SPTLC3: variants seen among roughly 807,000 people sequenced by gnomAD.
SPTLC3 encodes serine palmitoyltransferase 3.
Under a neutral mutation model 59.3 loss-of-function variants are expected in SPTLC3, and 36 were observed. That is an observed-to-expected ratio of 0.61 (90% CI 0.47 to 0.80). The LOEUF (loss-of-function observed/expected upper bound fraction) is 0.80. SPTLC3 is among the 30% of genes least tolerant of loss of function. SPTLC3 has a pLI of 0.00. For synonymous variants in SPTLC3, 257 were observed against 240.8 expected (o/e 1.07, Z -0.62); for missense variants, 625 against 685.1 (o/e 0.91, Z 0.98).
chr20:13,156,055 CACAT>C (rs2122972258), intron 10 of SPTLC3, among the ~76,000 whole-genome samples: 1 of 152,158 alleles, frequency 6.6e-6, no homozygotes, highest in East Asian at 1.9e-4. Context: ...TTTTTGAAGA[CACAT>C]ACAAACACAC....
At position 13,074,381 on chromosome 20, in the gene SPTLC3, A is replaced by G. The variant is rs1289849953; in HGVS notation, c.491A>G (p.Asn164Ser). Residue 164 changes from asparagine (N) to serine (S), a missense_variant, in exon 4 of 12, where the codon AAC becomes AGC. Asn to Ser is a conservative substitution (Grantham distance 46). Transcript: ENST00000399002. ...GGAAGAGTCATCAAAGATGTCATCA[A>G]CATGGGCTCCTATAACTTCCTTGGT... is the stretch of plus-strand genomic sequence containing the variant. ...FTGRVIKDVI[N>S]MGSYNFLGLA... 1 of 1,614,124 alleles carries G rather than the reference A, an allele frequency of 6.2e-7. No individual in the cohort carries two copies. The highest frequency in any genetic ancestry group is 1.3e-5 in the African/African-American group (1 of 75,064).
chr20:13,074,033 G>C (rs1357548143), intron 3 of SPTLC3: 1 of 637,594 alleles, frequency 1.6e-6, no homozygotes, highest in Non-Finnish European at 3.0e-6. Context: ...TCAAGCTCTG[G>C]AGCTGTGGCA....
chr20:13,116,428 G>T (rs1363554231), intron 7 of SPTLC3, among the ~76,000 whole-genome samples: 2 of 152,160 alleles, frequency 1.3e-5, no homozygotes, highest in African/African-American at 4.8e-5. Context: ...GACACAGCTT[G>T]CAAAGTGTTC....
At chr20:13,023,554 C>G (rs926585691) in intron 1 of SPTLC3, among the ~76,000 whole-genome samples, 5 of 152,202 alleles carry the variant, frequency 3.3e-5, no homozygotes, top group African/African-American at 1.2e-4. Flanking sequence ...CTCTAAAAGA[C>G]TAAGAAAGCT....
chr20:13,159,907 G>GA, intron 10 of SPTLC3, 96 bp from the exon 11 acceptor site: 6 of 1,427,412 alleles, frequency 4.2e-6, no homozygotes, highest in Non-Finnish European at 5.6e-6. Context: ...AAAGAAAAAA[G>GA]AAAAAATCAA....
intron 2 of SPTLC3, among the ~76,000 whole-genome samples, chr20:13,054,266 T>C (rs182998216): frequency 7.9e-5 from 12 of 152,304 alleles, no homozygotes; most frequent in Non-Finnish European, 1.6e-4. Context: ...CAGACTATAA[T>C]GGGTTCTTTT....
At chr20:13,108,998 A>C (rs573930601) in intron 6 of SPTLC3, among the ~76,000 whole-genome samples, 1 of 152,352 alleles carries the variant, frequency 6.6e-6, no homozygotes, top group Non-Finnish European at 1.5e-5. Flanking sequence ...CAAAAAATAC[A>C]CAGTACAAAT....
chr20:13,162,747 G>A (rs1472204687), intron 11 of SPTLC3, among the ~76,000 whole-genome samples: 1 of 152,044 alleles, frequency 6.6e-6, no homozygotes, highest in Non-Finnish European at 1.5e-5. Flanking sequence ...TAAATATATA[G>A]CCAGCCAGTG....
chr20:13,059,056 C>T (rs1987843250), intron 2 of SPTLC3, among the ~76,000 whole-genome samples: 1 of 152,172 alleles, frequency 6.6e-6, no homozygotes, highest in African/African-American at 2.4e-5. Context: ...CATCTGGGCA[C>T]CAGCAAGGTT....
rs34927240 is a variant in SPTLC3, at chr20:13,075,134, C to CAA, written c.607+652_607+653dup. On this transcript the variant is annotated intron_variant, in intron 4 of 11. Coordinates refer to ENST00000399002, the MANE Select transcript of SPTLC3 (RefSeq NM_018327.4). The stretch of plus-strand genomic sequence containing the variant: ...GAGAGAGGGAGAGCGTTCATTTATT[C>CAA]AAAAAAAAAAAAAAAACCTGTGTAG... 6.9e-4 allele frequency among the ~76,000 whole-genome samples: 94 copies of CAA among 137,146 alleles called. 1 individual carries two copies. The highest frequency in any genetic ancestry group is 3.8e-3 in the Middle Eastern group (1 of 266). The allele number at this position is 137,146 out of a possible 152,430, so 90.0% of individuals were successfully genotyped here.
chr20:13,046,661 C>A (rs1030898000), intron 1 of SPTLC3, among the ~76,000 whole-genome samples: 3 of 152,006 alleles, frequency 2.0e-5, no homozygotes, highest in Non-Finnish European at 2.9e-5. Context: ...AGTTCAAGTG[C>A]AGAACAGAGC....
Position 13,166,766 on chromosome 20 carries a change from A to T in SPTLC3, c.*1899A>T, listed in dbSNP as rs1272647280. On this transcript the variant is annotated 3_prime_UTR_variant, in exon 12 of 12. Coordinates refer to ENST00000399002, the MANE Select transcript of SPTLC3 (RefSeq NM_018327.4). ...AATAAACATCTTCCTTTCTTTCTGG[A>T]TCTGTCTGTGATGTTTACACACACC... The T allele has an allele frequency of 6.6e-6, 1 of 152,164 alleles. No individual in the cohort carries two copies. Among genetic ancestry groups the T allele is most frequent in the Non-Finnish European group, 1.5e-5 (1 of 68,026 alleles). 9.4% of individuals were successfully genotyped at this position (152,164 alleles called of 1,614,324 possible).
chr20:13,142,028 GA>G (rs2038395551), intron 9 of SPTLC3, among the ~76,000 whole-genome samples: 2 of 152,314 alleles, frequency 1.3e-5, no homozygotes, highest in South Asian at 4.1e-4. Context: ...AGTTAAGAGG[GA>G]AAGTTTGCCT....
At chr20:13,091,708 T>C (rs891332775) in intron 5 of SPTLC3, among the ~76,000 whole-genome samples, 5 of 152,190 alleles carry the variant, frequency 3.3e-5, no homozygotes, top group African/African-American at 9.7e-5. Context: ...GCTGATTATA[T>C]AATTGCAGCC....
intron 7 of SPTLC3, among the ~76,000 whole-genome samples, chr20:13,116,624 G>T (rs1053510405): frequency 3.3e-5 from 5 of 152,086 alleles, no homozygotes; most frequent in South Asian, 2.1e-4. Context: ...AGCATGGAAG[G>T]TTCTATCGTG....
At chr20:13,162,879 C>G (rs2123008623) in intron 11 of SPTLC3, among the ~76,000 whole-genome samples, 1 of 152,170 alleles carries the variant, frequency 6.6e-6, no homozygotes, top group South Asian at 2.1e-4. Flanking sequence ...CTAAGATGCC[C>G]ACGGTTCTTC....
intron 7 of SPTLC3, among the ~76,000 whole-genome samples, chr20:13,115,858 G>GTA (rs1311063837): frequency 1.3e-5 from 2 of 152,126 alleles, no homozygotes; most frequent in Non-Finnish European, 2.9e-5. Context: ...CATCCTGTTT[G>GTA]TATTGCATAT....
chr20:13,131,718 T>C (rs1321046699), intron 9 of SPTLC3, among the ~76,000 whole-genome samples: 1 of 152,224 alleles, frequency 6.6e-6, no homozygotes, highest in African/African-American at 2.4e-5. Flanking sequence ...GCCTCCTGAA[T>C]ATTCTCCCCA....
chr20:13,144,702 A>G (rs1275039389), intron 9 of SPTLC3, among the ~76,000 whole-genome samples: 3 of 152,232 alleles, frequency 2.0e-5, no homozygotes, highest in Admixed American at 6.5e-5. Flanking sequence ...TTTTTCTGAA[A>G]GGTCCAACCT....
Sources: allele counts gnomAD v4.1 joint callset (sites outside exome capture counted in the v4.1 genomes callset), GRCh38; gene constraint gnomAD v4.1.1; transcripts MANE v1.5; gene names NCBI Gene and HGNC (gene_info 2026-07-23, HGNC 2026-07-21).